Variants in DLG2 observed in about 807,000 individuals in gnomAD.
DLG2 encodes disks large homolog 2.
Under a neutral mutation model 132.5 loss-of-function variants are expected in DLG2, and 45 were observed. The ratio of observed to expected loss-of-function variants is 0.34; its 90% CI spans 0.27 to 0.44. The LOEUF (loss-of-function observed/expected upper bound fraction) is 0.44, where lower values mean the gene tolerates loss of function less well. DLG2 is among the 20% of genes least tolerant of loss of function. The pLI, the probability that DLG2 is intolerant of heterozygous loss-of-function variation, is 1.00. For missense variants in DLG2, 1,045 were observed against 1,196.9 expected, an observed-to-expected ratio of 0.87 and a Z score of 1.87; for synonymous variants, 424 against 419.6, an observed-to-expected ratio of 1.01 and a Z score of -0.13.
Position 85,587,512 on chromosome 11 carries a change from T to C in DLG2, c.40+11145A>G, listed in dbSNP as rs531044792. Among the ~76,000 whole-genome samples, 91 of 152,326 alleles carry C rather than the reference T, an allele frequency of 6.0e-4. 3 individuals carry two copies. The highest frequency in any genetic ancestry group is 2.0e-3 in the African/African-American group (83 of 41,584). On this transcript the variant is annotated intron_variant, in intron 3 of 27. Transcript: ENST00000376104. The stretch of plus-strand genomic sequence containing the variant: ...AAGTCTGTTTTGTCTGATATAAGAA[T>C]AGCTACTCCTGCTCACTTTTGGTTT...
chr11:83,864,818 A>T (rs1280299430), intron 16 of DLG2, among the ~76,000 whole-genome samples: 2 of 152,146 alleles, frequency 1.3e-5, no homozygotes, highest in East Asian at 3.9e-4. Context: ...ATATGCAGAA[A>T]AAAAAACCAG....
intron 15 of DLG2, among the ~76,000 whole-genome samples, chr11:83,880,387 T>C (rs925301265): frequency 2.0e-5 from 3 of 152,162 alleles, no homozygotes; most frequent in Non-Finnish European, 4.4e-5. Context: ...GAAAAGAGAA[T>C]GTATTTAATA....
At chr11:83,530,819 G>A (rs899147302) in intron 21 of DLG2, among the ~76,000 whole-genome samples, 3 of 151,904 alleles carry the variant, frequency 2.0e-5, no homozygotes, top group Non-Finnish European at 2.9e-5. Context: ...TGTATATCTT[G>A]TATATAGAAA....
At chr11:85,464,418 G>A (rs955659379) in intron 3 of DLG2, among the ~76,000 whole-genome samples, 5 of 152,120 alleles carry the variant, frequency 3.3e-5, no homozygotes, top group African/African-American at 9.7e-5. Flanking sequence ...AAGGGAAGGG[G>A]TGCTCCTGAT....
intron 11 of DLG2, among the ~76,000 whole-genome samples, chr11:83,982,117 T>C (rs1470718623): frequency 1.3e-5 from 2 of 152,194 alleles, no homozygotes; most frequent in African/African-American, 2.4e-5. Context: ...GTATAGCATA[T>C]ACAATTGTAA....
chr11:85,500,032 G>T (rs968562420), intron 3 of DLG2, among the ~76,000 whole-genome samples: 1 of 152,068 alleles, frequency 6.6e-6, no homozygotes, highest in African/African-American at 2.4e-5. Context: ...TTTGAAAACT[G>T]GCACAAGACA....
At chr11:84,734,128 T>C (rs1376716147) in intron 6 of DLG2, among the ~76,000 whole-genome samples, 1 of 152,186 alleles carries the variant, frequency 6.6e-6, no homozygotes, top group African/African-American at 2.4e-5. Flanking sequence ...CGGGCTCTTT[T>C]TTGGTTCCAT....
At chr11:84,104,331 A>G (rs1285574427) in intron 9 of DLG2, among the ~76,000 whole-genome samples, 1 of 152,162 alleles carries the variant, frequency 6.6e-6, no homozygotes, top group African/African-American at 2.4e-5. Context: ...CAGAAAACCA[A>G]ACACTGCATA....
At chr11:83,766,838 C>T (rs1277047065) in intron 18 of DLG2, among the ~76,000 whole-genome samples, 1 of 152,078 alleles carries the variant, frequency 6.6e-6, no homozygotes, top group Non-Finnish European at 1.5e-5. Context: ...ATCTGAGAGT[C>T]TAGAGTTTAG....
At chr11:83,664,408 C>A (rs971240549) in intron 18 of DLG2, among the ~76,000 whole-genome samples, 1 of 150,948 alleles carries the variant, frequency 6.6e-6, no homozygotes, top group African/African-American at 2.4e-5. Context: ...GTGGGTAGAG[C>A]AGAATCGTCA....
intron 6 of DLG2, among the ~76,000 whole-genome samples, chr11:84,636,356 A>G (rs1187380264): frequency 6.6e-6 from 1 of 152,220 alleles, no homozygotes; most frequent in Non-Finnish European, 1.5e-5. Context: ...TAACTGTGAC[A>G]TTGAAGTTAA....
At chr11:85,424,553 C>G (rs2090567823) in intron 3 of DLG2, among the ~76,000 whole-genome samples, 1 of 152,132 alleles carries the variant, frequency 6.6e-6, no homozygotes, top group African/African-American at 2.4e-5. Context: ...ACATTTAAAC[C>G]AGTTTGCATT....
intron 11 of DLG2, among the ~76,000 whole-genome samples, chr11:84,051,448 A>G (rs1331140210): frequency 6.6e-6 from 1 of 151,950 alleles, no homozygotes; most frequent in Non-Finnish European, 1.5e-5. Context: ...GCAGCCATCA[A>G]AAATGATGAG....
In DLG2 at chr11:83,751,128, A is replaced by T. The variant is rs116957015; in HGVS notation, c.1825+35562T>A. Among the ~76,000 whole-genome samples, 1,131 of 152,362 alleles carry T rather than the reference A, an allele frequency of 7.4e-3. 6 individuals carry two copies. The highest frequency in any genetic ancestry group is 0.012 in the Non-Finnish European group (808 of 68,032). On this transcript the variant is annotated intron_variant, in intron 18 of 27. Transcript: ENST00000376104. ...TATATGTATACTGTGGAGGCAGAAAAGTTCTCATGTGGAAGCTAACTTTTT... is the reference window on the plus strand; with the variant it reads ...TATATGTATACTGTGGAGGCAGAAATGTTCTCATGTGGAAGCTAACTTTTT...
At chr11:84,337,766 T>C (rs17147218) in intron 7 of DLG2, among the ~76,000 whole-genome samples, 2,627 of 152,272 alleles carry the variant, frequency 0.017, 60 homozygotes, top group African/African-American at 0.047. Context: ...GTTCACTGAC[T>C]TAAATAAGAA....
At chr11:84,097,144 C>A (rs575672810) in intron 10 of DLG2, among the ~76,000 whole-genome samples, 1 of 152,304 alleles carries the variant, frequency 6.6e-6, no homozygotes, top group Admixed American at 6.5e-5. Flanking sequence ...TTCTTACCTA[C>A]AGGACTTCAC....
At chr11:85,564,694 A>G (rs920007504) in intron 3 of DLG2, among the ~76,000 whole-genome samples, 7 of 151,906 alleles carry the variant, frequency 4.6e-5, no homozygotes, top group Admixed American at 4.6e-4. Context: ...TACTTGTCCA[A>G]CTTCTCCTTC....
intron 8 of DLG2, among the ~76,000 whole-genome samples, chr11:84,201,368 G>T (rs1167020263): frequency 6.6e-6 from 1 of 152,100 alleles, no homozygotes; most frequent in Non-Finnish European, 1.5e-5. Context: ...TGAGGTTTTT[G>T]CATCAATGTT....
intron 4 of DLG2, among the ~76,000 whole-genome samples, chr11:85,237,153 G>A (rs1285239585): frequency 6.6e-6 from 1 of 152,052 alleles, no homozygotes; most frequent in African/African-American, 2.4e-5. Context: ...GCCAGAGTTA[G>A]ATCCAACTCT....
Sources: allele counts gnomAD v4.1 joint callset (sites outside exome capture counted in the v4.1 genomes callset), GRCh38; gene constraint gnomAD v4.1.1; transcripts MANE v1.5; gene names NCBI Gene and HGNC (gene_info 2026-07-23, HGNC 2026-07-21).